Variants in PDE3B observed in about 807,000 individuals in gnomAD.
PDE3B encodes phosphodiesterase 3B, also known as cGMP-inhibited 3',5'-cyclic phosphodiesterase 3B.
A neutral mutation model predicts 116.8 loss-of-function variants in PDE3B; 66 were observed. The ratio of observed to expected loss-of-function variants is 0.56; its 90% CI spans 0.46 to 0.69. The LOEUF is 0.69. Among genes scored for constraint, PDE3B ranks in the 30% least tolerant of loss-of-function variants. The pLI, the probability that PDE3B is intolerant of heterozygous loss-of-function variation, is 0.00. For synonymous variants in PDE3B, 595 were observed against 533.6 expected, an observed-to-expected ratio of 1.12 and a Z score of -1.59; for missense variants, 1,384 against 1,368.1, an observed-to-expected ratio of 1.01 and a Z score of -0.18.
intron 2 of PDE3B, among the ~76,000 whole-genome samples, chr11:14,786,120 G>A (rs1041666954): frequency 1.3e-5 from 2 of 151,754 alleles, no homozygotes; most frequent in Non-Finnish European, 2.9e-5. Context: ...AAGTGAGTAA[G>A]GTAAATGAAA....
chr11:14,660,258 A>G (rs565142533), intron 1 of PDE3B, among the ~76,000 whole-genome samples: 2 of 151,688 alleles, frequency 1.3e-5, no homozygotes, highest in South Asian at 2.1e-4. Flanking sequence ...AATTTCAACG[A>G]CAAGAGCTTA....
chr11:14,644,235 T>C lies in PDE3B; in HGVS notation c.160T>C (p.Phe54Leu), dbSNP rs1853293768. 2 of 1,585,192 alleles carry C rather than the reference T, an allele frequency of 1.3e-6. No individual in the cohort carries two copies. Among genetic ancestry groups the C allele is most frequent in the Non-Finnish European group, 1.7e-6 (2 of 1,172,856 alleles). Residue 54 changes from phenylalanine (F) to leucine (L), a missense_variant, in exon 1 of 16, where the codon TTC (phenylalanine) becomes CTC (leucine). Coordinates refer to ENST00000282096, the MANE Select transcript of PDE3B (RefSeq NM_000922.4). ...PRGFFFHLCR[F>L]CNVELRPPPA... The stretch of plus-strand genomic sequence containing the variant: ...CGGCTTCTTCTTCCACCTCTGCCGC[T>C]TCTGCAACGTGGAGCTGCGGCCGCC...
At chr11:14,764,166 C>T (rs1857433733) in intron 1 of PDE3B, among the ~76,000 whole-genome samples, 1 of 152,066 alleles carries the variant, frequency 6.6e-6, no homozygotes, top group Non-Finnish European at 1.5e-5. Context: ...AAGGAAGGAC[C>T]AGCTAGTAAG....
the PDE3B span, among the ~76,000 whole-genome samples, chr11:14,883,788 G>C: frequency 3.2e-4 from 49 of 152,210 alleles, no homozygotes; most frequent in Middle Eastern, 3.4e-3. Context: ...CTACTCATCT[G>C]ACAAAGGGCT....
intron 5 of PDE3B, among the ~76,000 whole-genome samples, chr11:14,812,637 A>G (rs1041804778): frequency 6.6e-6 from 1 of 152,234 alleles, no homozygotes. Flanking sequence ...ATGATAAAAA[A>G]TCTGAAGAGT....
intron 5 of PDE3B, among the ~76,000 whole-genome samples, chr11:14,804,504 G>A (rs1440767602): frequency 6.6e-6 from 1 of 151,888 alleles, no homozygotes; most frequent in East Asian, 1.9e-4. Flanking sequence ...ACTCTTGGAT[G>A]CAAGATATTT....
At chr11:14,821,270 A>T (rs1260534520) in intron 7 of PDE3B, among the ~76,000 whole-genome samples, 1 of 152,122 alleles carries the variant, frequency 6.6e-6, no homozygotes, top group African/African-American at 2.4e-5. Flanking sequence ...TAATGGCTGA[A>T]CTCAGAACAG....
chr11:14,837,961 T>C (rs913338389), intron 11 of PDE3B, among the ~76,000 whole-genome samples: 3 of 149,960 alleles, frequency 2.0e-5, no homozygotes, highest in Admixed American at 6.7e-5. Flanking sequence ...GAAACCCTTA[T>C]TTTTTTTTTA....
chr11:14,721,419 A>G (rs957552006), intron 1 of PDE3B, among the ~76,000 whole-genome samples: 1 of 150,898 alleles, frequency 6.6e-6, no homozygotes, highest in Non-Finnish European at 1.5e-5. Flanking sequence ...CCATCCCATT[A>G]CTGGGTATAT....
At chr11:14,711,761 C>T (rs1364256774) in intron 1 of PDE3B, among the ~76,000 whole-genome samples, 2 of 152,138 alleles carry the variant, frequency 1.3e-5, no homozygotes, top group African/African-American at 4.8e-5. Context: ...CAAACTATAT[C>T]AAAGGGCAAT....
In PDE3B at chr11:14,644,913, A is replaced by C. The variant is rs886788690; in HGVS notation, c.838A>C (p.Ser280Arg). Residue 280 changes from serine to arginine, a missense_variant, in exon 1 of 16, where the codon AGT becomes CGT. Ser to Arg is a moderately radical substitution (Grantham distance 110). This residue lies in a region of PDE3B where 956 missense variants were observed against 806.8 expected (regional missense o/e 1.18). Coordinates refer to ENST00000282096, the MANE Select transcript of PDE3B (RefSeq NM_000922.4). ...REAPLHPRLS[S>R]AAEEKVPVIR... Reference sequence around the variant, plus strand: ...AGCGCCTCTTCATCCTCGACTGTCCAGTGCCGCCGAAGAAAAAGTGCCTGT... The same window carrying C: ...AGCGCCTCTTCATCCTCGACTGTCCCGTGCCGCCGAAGAAAAAGTGCCTGT... The C allele has an allele frequency of 1.2e-6, 2 of 1,614,150 alleles. No individual in the cohort carries two copies. The highest frequency in any genetic ancestry group is 1.7e-6 in the Non-Finnish European group (2 of 1,180,040).
chr11:14,737,365 A>T (rs1004449538), intron 1 of PDE3B, among the ~76,000 whole-genome samples: 8 of 152,034 alleles, frequency 5.3e-5, no homozygotes, highest in Non-Finnish European at 1.2e-4. Context: ...TGCCCAGCTA[A>T]TTTTTTGTGT....
chr11:14,787,723 C>T (rs1237379816), intron 3 of PDE3B, among the ~76,000 whole-genome samples: 1 of 151,752 alleles, frequency 6.6e-6, no homozygotes, highest in Non-Finnish European at 1.5e-5. Flanking sequence ...TACATGACTT[C>T]CTTTTTAGCA....
chr11:14,869,630 G>A lies in PDE3B; in HGVS notation c.3309G>A (p.Gln1103=). ...NSSLPQADEI[Q]VIEEADEEE is the part of the protein sequence containing the mutation. ...CCTTACCTCAAGCAGATGAGATTCA[G>A]GTAATTGAAGAGGCAGATGAAGAGG... The change falls in exon 16 of 16, where the codon CAG becomes CAA. Residue 1103 remains glutamine (Q), a synonymous_variant. Coordinates refer to ENST00000282096, the MANE Select transcript of PDE3B (RefSeq NM_000922.4). The A allele has an allele frequency of 6.2e-7, 1 of 1,613,858 alleles. No homozygotes were observed. Among genetic ancestry groups the A allele is most frequent in the Middle Eastern group, 1.7e-4 (1 of 6,058 alleles).
At chr11:14,776,135 A>C (rs912700912) in intron 2 of PDE3B, 8 of 152,170 alleles carry the variant, frequency 5.3e-5, no homozygotes, top group African/African-American at 1.9e-4. Context: ...CTAGGCCCCC[A>C]CTCTCAACCT....
chr11:14,810,437 G>A (rs897615170), intron 5 of PDE3B, among the ~76,000 whole-genome samples: 1 of 151,330 alleles, frequency 6.6e-6, no homozygotes, highest in Non-Finnish European at 1.5e-5. Flanking sequence ...TTGTTCTTGC[G>A]ATAGTTTACT....
At chr11:14,812,663 G>A (rs866019543) in intron 5 of PDE3B, among the ~76,000 whole-genome samples, 13 of 152,138 alleles carry the variant, frequency 8.5e-5, no homozygotes, top group South Asian at 4.1e-4. Flanking sequence ...ATCTTCTAAC[G>A]AAATTAAACC....
intron 1 of PDE3B, among the ~76,000 whole-genome samples, chr11:14,665,225 T>C (rs1010191666): frequency 6.6e-6 from 1 of 152,186 alleles, no homozygotes; most frequent in Non-Finnish European, 1.5e-5. Context: ...CAACCCTTCA[T>C]GCTAAAAGCT....
At chr11:14,865,164 C>T in intron 14 of PDE3B, among the ~76,000 whole-genome samples, 1 of 152,094 alleles carries the variant, frequency 6.6e-6, no homozygotes, top group East Asian at 1.9e-4. Flanking sequence ...CACCACTGAT[C>T]CCACAGAAAT....
Sources: gnomAD v4.1 joint callset for allele counts (sites outside exome capture counted in the v4.1 genomes callset) on GRCh38, gnomAD v4.1.1 for gene constraint, gnomAD v4.1.1 regional missense constraint, MANE v1.5 for transcripts, NCBI Gene and HGNC (gene_info 2026-07-23, HGNC 2026-07-21) for gene names.